Variants in CHLSN observed in about 807,000 individuals in gnomAD.
CHLSN encodes the protein cholesin, also known as protein cholesin.
At chr7:1,035,646 G>A in the CHLSN span, among the ~76,000 whole-genome samples, 2 of 152,196 alleles carry the variant, frequency 1.3e-5, no homozygotes, top group African/African-American at 4.8e-5. Flanking sequence ...ACCAAATGCG[G>A]GTGAGGATGT....
chr7:988,321 GAC>G, the CHLSN span: 1 of 1,611,334 alleles, frequency 6.2e-7, no homozygotes, highest in Non-Finnish European at 8.5e-7. Flanking sequence ...TCCTGGATGA[GAC>G]ACAGTGGCAG....
At chr7:1,125,064 C>T in the CHLSN span, among the ~76,000 whole-genome samples, 15,984 of 152,290 alleles carry the variant, frequency 0.1, 914 homozygotes, top group African/African-American at 0.11. Context: ...AGCTTCTCCC[C>T]TCCACCCACG....
At chr7:1,080,042 C>T in the CHLSN span, among the ~76,000 whole-genome samples, 1 of 152,328 alleles carries the variant, frequency 6.6e-6, no homozygotes, top group East Asian at 1.9e-4. Flanking sequence ...TGTGAAGGGC[C>T]AACCCCTCCT....
At chr7:1,122,610 G>A in the CHLSN span, among the ~76,000 whole-genome samples, 5 of 152,306 alleles carry the variant, frequency 3.3e-5, no homozygotes, top group South Asian at 1.0e-3. Flanking sequence ...AAGGGATGCT[G>A]GGCAGCAGGC....
chr7:1,070,229 C>T, the CHLSN span, among the ~76,000 whole-genome samples: 1 of 141,386 alleles, frequency 7.1e-6, no homozygotes, highest in East Asian at 2.0e-4. Flanking sequence ...CGTCTCCGCC[C>T]GGCAGCCACC....
the CHLSN span, among the ~76,000 whole-genome samples, chr7:1,019,689 G>A: frequency 6.6e-6 from 1 of 152,250 alleles, no homozygotes; most frequent in Non-Finnish European, 1.5e-5. Flanking sequence ...TCACCACGAG[G>A]AGGGCCCCCA....
the CHLSN span, among the ~76,000 whole-genome samples, chr7:1,084,129 A>G: frequency 3.9e-5 from 6 of 152,220 alleles, no homozygotes; most frequent in Admixed American, 3.3e-4. Flanking sequence ...CCCGCCTGCC[A>G]CTGGTGCGGC....
At chr7:1,117,985 G>C in the CHLSN span, among the ~76,000 whole-genome samples, 1 of 152,172 alleles carries the variant, frequency 6.6e-6, no homozygotes, top group Non-Finnish European at 1.5e-5. Flanking sequence ...CAAAAAGGAA[G>C]CCCATCGTTC....
chr7:985,026 G>T, the CHLSN span: 2 of 1,612,190 alleles, frequency 1.2e-6, no homozygotes, highest in African/African-American at 1.3e-5. Context: ...GCCTGGGCGT[G>T]GGCCGGGAGC....
the CHLSN span, among the ~76,000 whole-genome samples, chr7:1,122,434 T>A: frequency 6.6e-6 from 1 of 152,188 alleles, no homozygotes; most frequent in East Asian, 1.9e-4. Flanking sequence ...TGGCTCTGCA[T>A]GGGGTGGTCA....
chr7:1,024,918 A>C, the CHLSN span: 14 of 152,286 alleles, frequency 9.2e-5, no homozygotes, highest in Admixed American at 9.2e-4. Context: ...GGAGGACAGA[A>C]GGAGCAGGCA....
chr7:1,131,772 T>C, the CHLSN span, among the ~76,000 whole-genome samples: 21 of 152,352 alleles, frequency 1.4e-4, no homozygotes, highest in African/African-American at 4.6e-4. Flanking sequence ...TAAGTTATCA[T>C]TTAAAAACTT....
the CHLSN span, among the ~76,000 whole-genome samples, chr7:992,318 G>A: frequency 6.6e-6 from 1 of 152,218 alleles, no homozygotes; most frequent in African/African-American, 2.4e-5. Flanking sequence ...ACCATCCTAA[G>A]TCAAGGCAAA....
chr7:986,302 T>A, the CHLSN span: 1 of 365,142 alleles, frequency 2.7e-6, no homozygotes, highest in South Asian at 3.0e-5. Flanking sequence ...TGAGGTCTGC[T>A]CTGTCTTCCA....
the CHLSN span, among the ~76,000 whole-genome samples, chr7:1,099,238 T>C: frequency 6.6e-6 from 1 of 150,902 alleles, no homozygotes; most frequent in African/African-American, 2.4e-5. Context: ...GGAGCCTCGC[T>C]GTCGCGTTCC....
chr7:1,121,958 C>G, the CHLSN span, among the ~76,000 whole-genome samples: 1 of 152,202 alleles, frequency 6.6e-6, no homozygotes, highest in Non-Finnish European at 1.5e-5. Flanking sequence ...GGGCAGCGTG[C>G]TGCACACACC....
the CHLSN span, among the ~76,000 whole-genome samples, chr7:1,083,917 G>T: frequency 1.3e-5 from 2 of 152,236 alleles, no homozygotes; most frequent in East Asian, 1.9e-4. Flanking sequence ...CCAACCTGGC[G>T]CGGAGCCACG....
At chr7:1,028,411 C>T in the CHLSN span, 1 of 986,098 alleles carries the variant, frequency 1.0e-6, no homozygotes, top group Non-Finnish European at 1.2e-6. Flanking sequence ...CAGATCCAGC[C>T]GGCTGGACCG....
chr7:1,135,810 A>C, the CHLSN span, among the ~76,000 whole-genome samples: 98 of 141,548 alleles, frequency 6.9e-4, no homozygotes, highest in African/African-American at 2.4e-3. Flanking sequence ...TTATTTATTT[A>C]TTTATATAAA....
Sources: allele counts gnomAD v4.1 joint callset (sites outside exome capture counted in the v4.1 genomes callset), GRCh38; gene constraint gnomAD v4.1.1; transcripts MANE v1.5; gene names NCBI Gene and HGNC (gene_info 2026-07-23, HGNC 2026-07-21).